Variants in CNOT6 observed in about 807,000 individuals in gnomAD.
CNOT6 encodes CCR4-NOT transcription complex subunit 6.
In CNOT6, 12 loss-of-function variants were observed where a neutral mutation model predicts 61.2. The ratio of observed to expected loss-of-function variants is 0.20; its 90% CI spans 0.13 to 0.32. The LOEUF (loss-of-function observed/expected upper bound fraction) is 0.32, where lower values mean the gene tolerates loss of function less well. Ranked by LOEUF, CNOT6 falls within the 10% of genes least tolerant of loss-of-function variation. The pLI, the probability that CNOT6 is intolerant of heterozygous loss-of-function variation, is 1.00. For synonymous variants in CNOT6, 225 were observed against 240.6 expected (o/e 0.94, Z 0.60); for missense variants, 405 against 663.9 (o/e 0.61, Z 4.28).
intron 1 of CNOT6, among the ~76,000 whole-genome samples, chr5:180,500,347 A>G (rs1407260617): frequency 1.3e-5 from 2 of 152,112 alleles, no homozygotes; most frequent in Non-Finnish European, 1.5e-5. Context: ...CCTGGGCTCA[A>G]GCAGTCCTCC....
At chr5:180,556,275 A>G (rs1759883429) in intron 4 of CNOT6, among the ~76,000 whole-genome samples, 1 of 152,212 alleles carries the variant, frequency 6.6e-6, no homozygotes, top group South Asian at 2.1e-4. Flanking sequence ...GACGGGGGAC[A>G]GAGTGGAAAG....
intron 10 of CNOT6, among the ~76,000 whole-genome samples, chr5:180,570,173 C>T (rs999188659): frequency 8.5e-5 from 13 of 152,258 alleles, no homozygotes. Context: ...ACCTGGCCAA[C>T]ATGGTGAAAC....
chr5:180,526,275 T>C (rs72812941), intron 1 of CNOT6, among the ~76,000 whole-genome samples: 2,881 of 152,242 alleles, frequency 0.019, 38 homozygotes, highest in Non-Finnish European at 0.027. Context: ...GACTTTTTAA[T>C]AGAGGAAAGA....
At chr5:180,558,147 A>T (rs949001566) in intron 4 of CNOT6, among the ~76,000 whole-genome samples, 4 of 152,234 alleles carry the variant, frequency 2.6e-5, no homozygotes, top group African/African-American at 9.6e-5. Flanking sequence ...AGAAGGGTAC[A>T]GCTGTGCGTG....
At chr5:180,496,721 T>G (rs1403330236) in intron 1 of CNOT6, among the ~76,000 whole-genome samples, 1 of 152,224 alleles carries the variant, frequency 6.6e-6, no homozygotes, top group African/African-American at 2.4e-5. Flanking sequence ...AGACCTTGTC[T>G]TGATCACTTT....
At chr5:180,512,542 G>A (rs1466053926) in intron 1 of CNOT6, among the ~76,000 whole-genome samples, 2 of 152,084 alleles carry the variant, frequency 1.3e-5, no homozygotes, top group African/African-American at 4.8e-5. Flanking sequence ...ATTTTAAGTG[G>A]GTATAGGACC....
rs1413067322 is a variant in CNOT6 at position 180,576,748 on chromosome 5, A to G, written c.*2548A>G. 1.3e-5 allele frequency: 2 copies of G among 152,176 alleles called. No homozygotes were observed. Among genetic ancestry groups the G allele is most frequent in the Non-Finnish European group, 1.5e-5 (1 of 68,036 alleles). 9.4% of individuals were successfully genotyped at this position (152,176 alleles called of 1,614,324 possible). The stretch of plus-strand genomic sequence containing the variant: ...TGTTAAGAAAGGTTTCATGTTTTAG[A>G]TATTTTCCGTGTCCTAAATAATTTT... On this transcript the variant is annotated 3_prime_UTR_variant, in exon 12 of 12. Transcript: ENST00000261951.
chr5:180,535,647 A>T (rs1227266599), intron 2 of CNOT6, among the ~76,000 whole-genome samples: 1 of 152,188 alleles, frequency 6.6e-6, no homozygotes, highest in East Asian at 1.9e-4. Context: ...TGACATGATG[A>T]TTTCTTTCCC....
At chr5:180,571,740 A>T (rs1319369278) in intron 11 of CNOT6, among the ~76,000 whole-genome samples, 1 of 151,860 alleles carries the variant, frequency 6.6e-6, no homozygotes, top group Non-Finnish European at 1.5e-5. Flanking sequence ...TAATTCTTGT[A>T]TTTTTTGTAG....
intron 2 of CNOT6, among the ~76,000 whole-genome samples, chr5:180,537,665 A>G (rs1758766901): frequency 1.3e-5 from 2 of 152,302 alleles, no homozygotes; most frequent in South Asian, 4.1e-4. Context: ...TAGGAAGAAC[A>G]TCTTGACAGT....
chr5:180,508,960 C>T (rs1355028454), intron 1 of CNOT6, among the ~76,000 whole-genome samples: 1 of 151,602 alleles, frequency 6.6e-6, no homozygotes, highest in Non-Finnish European at 1.5e-5. Context: ...GTAGCTGAGA[C>T]TATAGGCAAG....
At position 180,574,297 on chromosome 5, in the gene CNOT6, T is replaced by A. The variant is rs537284417; in HGVS notation, c.*97T>A. 7.8e-5 allele frequency: 77 copies of A among 987,304 alleles called. No homozygotes were observed. The South Asian group carries it at 1.1e-3, about 14-fold the overall frequency. The allele number at this position is 987,304 out of a possible 1,614,324, so 61.2% of individuals were successfully genotyped here. ...ATGGCCACTGAGGATTTTTGCTTGC[T>A]TAAGAATGATTTGGACTTTCAATCT... On this transcript the variant is annotated 3_prime_UTR_variant, in exon 12 of 12. Coordinates refer to ENST00000261951, the MANE Select transcript of CNOT6 (RefSeq NM_001370472.1).
At chr5:180,517,610 C>T (rs1398513937) in intron 1 of CNOT6, among the ~76,000 whole-genome samples, 1 of 151,576 alleles carries the variant, frequency 6.6e-6, no homozygotes, top group East Asian at 1.9e-4. Flanking sequence ...GTGGCGCGAT[C>T]TTGGCTCACT....
chr5:180,526,000 A>G (rs1055218378), intron 1 of CNOT6, among the ~76,000 whole-genome samples: 4 of 152,142 alleles, frequency 2.6e-5, no homozygotes, highest in Admixed American at 2.0e-4. Flanking sequence ...TGGCATGATC[A>G]TGGCTCACTG....
chr5:180,494,880 T>A (rs1323068851), intron 1 of CNOT6, 117 bp downstream of exon 1: 1 of 151,878 alleles, frequency 6.6e-6, no homozygotes, highest in African/African-American at 2.4e-5. Context: ...TGGGCGGCGG[T>A]CCCGCTGCTC....
At chr5:180,543,705 G>C (rs1759159082) in intron 2 of CNOT6, among the ~76,000 whole-genome samples, 1 of 152,146 alleles carries the variant, frequency 6.6e-6, no homozygotes, top group Admixed American at 6.5e-5. Flanking sequence ...TTCCCAAAAT[G>C]AAAGAATGTG....
chr5:180,556,312 G>T (rs1319425336), intron 4 of CNOT6, among the ~76,000 whole-genome samples: 1 of 152,174 alleles, frequency 6.6e-6, no homozygotes, highest in Admixed American at 6.5e-5. Context: ...AGGGTGCGCA[G>T]TTTCATTTAC....
intron 1 of CNOT6, among the ~76,000 whole-genome samples, chr5:180,510,297 CAGGACT>C (rs1757334055): frequency 6.6e-6 from 1 of 151,622 alleles, no homozygotes; most frequent in Non-Finnish European, 1.5e-5. Flanking sequence ...TCCGAGTAGC[CAGGACT>C]TCTATCCGTA....
At chr5:180,525,222 A>G (rs1010113020) in intron 1 of CNOT6, among the ~76,000 whole-genome samples, 1 of 152,170 alleles carries the variant, frequency 6.6e-6, no homozygotes, top group Non-Finnish European at 1.5e-5. Flanking sequence ...CTTTGATTAA[A>G]CAGTCAAAAC....
Sources: gnomAD v4.1 joint callset for allele counts (sites outside exome capture counted in the v4.1 genomes callset) on GRCh38, gnomAD v4.1.1 for gene constraint, MANE v1.5 for transcripts, NCBI Gene and HGNC (gene_info 2026-07-23, HGNC 2026-07-21) for gene names.